The following NPAS2 variants were observed in gnomAD, a reference collection of about 807,000 sequenced individuals.
NPAS2 encodes neuronal PAS domain-containing protein 2.
In NPAS2, 23 loss-of-function variants were observed where a neutral mutation model predicts 107.5. That is an observed-to-expected ratio of 0.21 (90% CI 0.15 to 0.30). NPAS2 has a LOEUF of 0.30. Ranked by LOEUF, NPAS2 falls within the 10% of genes least tolerant of loss-of-function variation. The probability of loss-of-function intolerance (pLI) is 1.00; values close to 1 mark genes in which losing one functional copy is unlikely to be tolerated. For missense variants in NPAS2, 756 were observed against 1,043.3 expected (o/e 0.72, Z 3.79); for synonymous variants, 403 against 417.5 (o/e 0.97, Z 0.42).
chr2:100,906,463 GTGTC>G (rs960327465), intron 2 of NPAS2, among the ~76,000 whole-genome samples: 143 of 152,318 alleles, frequency 9.4e-4, no homozygotes, highest in African/African-American at 3.3e-3. Flanking sequence ...AAGGGTAGTA[GTGTC>G]TGTCCTGCTT....
At position 100,974,860 on chromosome 2, in the gene NPAS2, T is replaced by A. The variant is rs1676863416; in HGVS notation, c.1198T>A (p.Ser400Thr). 1 of 1,614,124 alleles carries A rather than the reference T, an allele frequency of 6.2e-7. No individual in the cohort carries two copies. Among genetic ancestry groups the A allele is most frequent in the South Asian group, 1.1e-5 (1 of 91,086 alleles). The part of the protein sequence containing the change: ...QHFNTLDVGA[S>T]GLNTSHSPSA... ...CTTTAACACACTCGACGTGGGTGCCTCGGGCCTTAATACCAGTCATTCGCC... is the reference window on the plus strand; with the variant it reads ...CTTTAACACACTCGACGTGGGTGCCACGGGCCTTAATACCAGTCATTCGCC... The change falls in exon 13 of 21, where the codon TCG becomes ACG. Residue 400 changes from serine (S) to threonine (T), a missense_variant. By Grantham distance (58) the Ser-to-Thr change is moderately conservative (BLOSUM62 1). Transcript: ENST00000335681.
intron 17 of NPAS2, chr2:100,988,734 C>T (rs571229600): frequency 4.6e-5 from 15 of 322,592 alleles, no homozygotes; most frequent in East Asian, 2.3e-4. Context: ...CTCCTCCAGG[C>T]GCCCCCTGCT....
intron 15 of NPAS2, among the ~76,000 whole-genome samples, chr2:100,979,255 G>A (rs1677247641): frequency 6.6e-6 from 1 of 151,796 alleles, no homozygotes; most frequent in Non-Finnish European, 1.5e-5. Flanking sequence ...AAAAAAACCT[G>A]AATACTGTTT....
At chr2:100,980,006 C>T (rs151086848) in intron 15 of NPAS2, among the ~76,000 whole-genome samples, 85 of 152,286 alleles carry the variant, frequency 5.6e-4, no homozygotes, top group African/African-American at 1.5e-3. Context: ...ATCTGAGGAG[C>T]GGTTATCTGG....
chr2:100,915,539 A>G (rs1558868533), intron 2 of NPAS2, among the ~76,000 whole-genome samples: 2 of 152,200 alleles, frequency 1.3e-5, no homozygotes, highest in Non-Finnish European at 2.9e-5. Context: ...GAACTTCAGA[A>G]TAGACCACCA....
intron 1 of NPAS2, chr2:100,878,032 T>A: frequency 1.0e-6 from 1 of 985,388 alleles, no homozygotes; most frequent in Non-Finnish European, 1.2e-6. Context: ...AGAGTGCTGT[T>A]CTTTGTAGGC....
At chr2:100,933,118 T>C in intron 4 of NPAS2, 117 bp downstream of exon 4, 1 of 731,106 alleles carries the variant, frequency 1.4e-6, no homozygotes, top group South Asian at 1.7e-5. Context: ...AAGACTTGAC[T>C]TTGAAACAGA....
At chr2:100,826,335 A>G (rs1168328336) in intron 1 of NPAS2, among the ~76,000 whole-genome samples, 3 of 152,166 alleles carry the variant, frequency 2.0e-5, no homozygotes, top group Admixed American at 2.0e-4. Context: ...CTGGCTACTC[A>G]GGAGGCTGAG....
At chr2:100,885,724 G>A (rs1208829917) in intron 1 of NPAS2, among the ~76,000 whole-genome samples, 1 of 152,124 alleles carries the variant, frequency 6.6e-6, no homozygotes, top group Non-Finnish European at 1.5e-5. Flanking sequence ...ACCCAGACTG[G>A]CATGCAATGG....
intron 2 of NPAS2, among the ~76,000 whole-genome samples, chr2:100,908,188 T>C (rs1024402891): frequency 2.0e-5 from 3 of 152,196 alleles, no homozygotes; most frequent in Non-Finnish European, 1.5e-5. Context: ...AGCCTCAGTT[T>C]CTTCTTCTGT....
chr2:100,911,662 A>G (rs914780262), intron 2 of NPAS2, among the ~76,000 whole-genome samples: 2 of 151,330 alleles, frequency 1.3e-5, no homozygotes, highest in East Asian at 3.9e-4. Flanking sequence ...GACAGAGTCT[A>G]GCTCTGTTGC....
At chr2:100,911,656 G>A (rs776058795) in intron 2 of NPAS2, among the ~76,000 whole-genome samples, 4 of 151,078 alleles carry the variant, frequency 2.6e-5, no homozygotes, top group Non-Finnish European at 5.9e-5. Context: ...TTTTGAGACA[G>A]AGTCTAGCTC....
chr2:100,928,316 A>T (rs1239297548), intron 3 of NPAS2, among the ~76,000 whole-genome samples: 7 of 152,142 alleles, frequency 4.6e-5, no homozygotes, highest in Admixed American at 4.6e-4. Flanking sequence ...ATAATGATTT[A>T]GCCAAGTGAA....
At chr2:100,890,946 G>A (rs1024865402) in intron 1 of NPAS2, among the ~76,000 whole-genome samples, 1 of 151,934 alleles carries the variant, frequency 6.6e-6, no homozygotes, top group Non-Finnish European at 1.5e-5. Context: ...AAAGAAGTGA[G>A]GATGGTCCAG....
At chr2:100,953,456 T>G (rs1675369339) in intron 7 of NPAS2, among the ~76,000 whole-genome samples, 1 of 149,868 alleles carries the variant, frequency 6.7e-6, no homozygotes, top group African/African-American at 2.5e-5. Context: ...TGCTTTAATA[T>G]AAGAACTCAA....
chr2:100,977,747 A>G lies in NPAS2; in HGVS notation c.1430A>G (p.Gln477Arg), dbSNP rs1677115422. The stretch of plus-strand genomic sequence containing the variant: ...TCCCCATCGTCCTGCGACCTCACAC[A>G]GCAGCTCCTGCCTCAGACCGTTCTG... The part of the protein sequence containing the change: ...LPSPSSCDLT[Q>R]QLLPQTVLQS... Residue 477 changes from glutamine to arginine, a missense_variant, in exon 15 of 21, where the codon CAG becomes CGG. Around this residue, in one of 4 missense-constraint regions of NPAS2, gnomAD observed 496 missense variants for 594.4 expected, o/e 0.83. Coordinates refer to ENST00000335681, the MANE Select transcript of NPAS2 (RefSeq NM_002518.4). The G allele has an allele frequency of 6.2e-7, 1 of 1,614,068 alleles. No homozygotes were observed.
chr2:100,857,315 A>AAG (rs1290255714), intron 1 of NPAS2, among the ~76,000 whole-genome samples: 1 of 151,986 alleles, frequency 6.6e-6, no homozygotes, highest in African/African-American at 2.4e-5. Flanking sequence ...AAAAAAAAAA[A>AAG]AAGATGTTAT....
intron 5 of NPAS2, among the ~76,000 whole-genome samples, chr2:100,940,861 G>A (rs1441759400): frequency 6.6e-6 from 1 of 152,196 alleles, no homozygotes; most frequent in African/African-American, 2.4e-5. Context: ...GGAGAATGAG[G>A]AGCTGAGAGG....
chr2:100,921,769 C>T (rs1488867570), intron 2 of NPAS2, among the ~76,000 whole-genome samples: 1 of 152,156 alleles, frequency 6.6e-6, no homozygotes, highest in African/African-American at 2.4e-5. Context: ...TCAGTGCAGC[C>T]GTGTCTTATC....
Sources: allele counts gnomAD v4.1 joint callset (sites outside exome capture counted in the v4.1 genomes callset), GRCh38; gene constraint gnomAD v4.1.1; regional missense constraint gnomAD v4.1.1; transcripts MANE v1.5; gene names NCBI Gene and HGNC (gene_info 2026-07-23, HGNC 2026-07-21).